The following DHX9 variants were observed in gnomAD, a reference collection of about 807,000 sequenced individuals.
The protein encoded by DHX9 is ATP-dependent RNA helicase A.
A neutral mutation model predicts 148.7 loss-of-function variants in DHX9; 27 were observed. That is an observed-to-expected ratio of 0.18 (90% CI 0.13 to 0.25). The LOEUF (loss-of-function observed/expected upper bound fraction) is 0.25. DHX9 is among the 10% of genes least tolerant of loss of function. The pLI is 1.00. For synonymous variants in DHX9, 529 were observed against 516.6 expected, an observed-to-expected ratio of 1.02 and a Z score of -0.33; for missense variants, 796 against 1,559.6, an observed-to-expected ratio of 0.51 and a Z score of 8.25.
chr1:182,848,796 A>G (rs948092096), intron 3 of DHX9, among the ~76,000 whole-genome samples: 1 of 152,224 alleles, frequency 6.6e-6, no homozygotes, highest in Non-Finnish European at 1.5e-5. Flanking sequence ...AAGAGGCCTC[A>G]GTAAACTTAG....
chr1:182,856,734 T>C (rs966411629), intron 7 of DHX9, among the ~76,000 whole-genome samples, 156 bp downstream of exon 7: 1 of 152,234 alleles, frequency 6.6e-6, no homozygotes, highest in Admixed American at 6.5e-5. Context: ...TTAGTAATTA[T>C]ATAAATTAGA....
intron 26 of DHX9, 54 bp downstream of exon 26, chr1:182,883,689 T>G: frequency 7.7e-7 from 1 of 1,301,054 alleles, no homozygotes; most frequent in Non-Finnish European, 1.1e-6. Flanking sequence ...TACAATATGA[T>G]GGAATTCAGC....
chr1:182,855,406 T>TGGG (rs1668236784), intron 6 of DHX9, among the ~76,000 whole-genome samples: 1 of 152,172 alleles, frequency 6.6e-6, no homozygotes. Flanking sequence ...CACAGACAGT[T>TGGG]GGGGGAGCCA....
chr1:182,872,555 C>A, intron 15 of DHX9, 62 bp downstream of exon 15: 4 of 1,498,830 alleles, frequency 2.7e-6, no homozygotes, highest in Non-Finnish European at 3.6e-6. Context: ...TTTTCTTAAT[C>A]CTGGAGATTG....
In DHX9 at chr1:182,858,647, A is replaced by G. The variant is rs764288588; in HGVS notation, c.900+7A>G. Reference sequence around the variant, plus strand: ...TCTTGAGATTTTGCCCCCGGTAAGCATAAAGCTGTTTAGTTCACATTTACG... The same window carrying G: ...TCTTGAGATTTTGCCCCCGGTAAGCGTAAAGCTGTTTAGTTCACATTTACG... On this transcript the variant is annotated splice_region_variant and intron_variant, in intron 9 of 27. Coordinates refer to ENST00000367549, the MANE Select transcript of DHX9 (RefSeq NM_001357.5). The G allele has an allele frequency of 6.2e-7, 1 of 1,609,878 alleles. No homozygotes were observed. Among genetic ancestry groups the G allele is most frequent in the Non-Finnish European group, 8.5e-7 (1 of 1,176,844 alleles).
At position 182,868,520 on chromosome 1, in the gene DHX9, C is replaced by T. The variant is rs1197991882; in HGVS notation, c.1557+1477C>T. 6.3e-4 allele frequency among the ~76,000 whole-genome samples: 80 copies of T among 127,504 alleles called. 2 individuals carry two copies. The highest frequency in any genetic ancestry group is 2.4e-3 in the African/African-American group (67 of 27,858). 83.6% of individuals were successfully genotyped at this position (127,504 alleles called of 152,430 possible). ...GATAATCTAACACTTATTTTAATTC[C>T]TTTTTTTTTTTTTTGAGGAGTCTTG... On this transcript the variant is annotated intron_variant, in intron 14 of 27. Transcript: ENST00000367549.
intron 1 of DHX9, among the ~76,000 whole-genome samples, chr1:182,841,052 G>T (rs1557961100): frequency 6.6e-6 from 1 of 152,174 alleles, no homozygotes; most frequent in African/African-American, 2.4e-5. Context: ...AGCACTTCGG[G>T]AGGTTGAGGC....
intron 14 of DHX9, among the ~76,000 whole-genome samples, chr1:182,867,930 T>C (rs1048642334): frequency 2.0e-5 from 3 of 152,342 alleles, no homozygotes; most frequent in Admixed American, 1.3e-4. Flanking sequence ...TTTCAGTGCA[T>C]GGGCAGCATG....
intron 12 of DHX9, among the ~76,000 whole-genome samples, chr1:182,863,930 T>G (rs958183586): frequency 7.2e-5 from 11 of 152,260 alleles, no homozygotes; most frequent in Middle Eastern, 6.8e-3. Context: ...TACAGCACTT[T>G]GAGAGTTCAA....
At chr1:182,875,977 T>C in intron 16 of DHX9, 73 bp from the exon 17 acceptor site, 2 of 1,153,498 alleles carry the variant, frequency 1.7e-6, no homozygotes, top group Non-Finnish European at 2.6e-6. Context: ...TTAGAGTCAC[T>C]AGAAGAAATC....
rs961160502 is a variant in DHX9, at chr1:182,884,721, G to A, written c.3369G>A (p.Gln1123=). 1.9e-6 allele frequency: 3 copies of A among 1,614,140 alleles called. No homozygotes were observed. In the South Asian group the frequency reaches 3.3e-5, roughly 18 times the overall value. Residue 1123 remains glutamine, a synonymous_variant, in exon 27 of 28, where the codon CAG becomes CAA. Transcript: ENST00000367549. ...EVTKQPAIIS[Q]LDPVNERMLN... is the part of the protein sequence containing the mutation. The stretch of plus-strand genomic sequence containing the variant: ...CCAAACAACCTGCTATCATCAGCCA[G>A]TTGGACCCCGTAAATGAACGTATGC...
chr1:182,843,450 G>A lies in DHX9; in HGVS notation c.252+16G>A, dbSNP rs369619011. 120 of 1,565,620 alleles carry A rather than the reference G, an allele frequency of 7.7e-5. No homozygotes were observed. The highest frequency in any genetic ancestry group is 9.7e-5 in the Non-Finnish European group (113 of 1,160,540). The stretch of plus-strand genomic sequence containing the variant: ...AGCTTTTGGGGTAAGTACCTATGGC[G>A]AAGCACTTGAGATGTATGTTGTAAA... On this transcript the variant is annotated intron_variant, in intron 3 of 27. Transcript: ENST00000367549.
In DHX9 at chr1:182,860,154, A is replaced by G. The variant is rs1216648303; in HGVS notation, c.1302A>G (p.Arg434=). ...TAGATGACTTTATCCAGAATGACCG[A>G]GCAGCAGAGTGTAACATCGTAGTAA... ...FILDDFIQND[R]AAECNIVVTQ... is the part of the protein sequence containing the mutation. The change falls in exon 12 of 28, where the codon CGA becomes CGG. Residue 434 remains arginine (R), a synonymous_variant. Transcript: ENST00000367549. 1 of 1,611,764 alleles carries G rather than the reference A, an allele frequency of 6.2e-7. No individual in the cohort carries two copies. The highest frequency in any genetic ancestry group is 8.5e-7 in the Non-Finnish European group (1 of 1,179,042).
chr1:182,866,841 A>T, intron 13 of DHX9, 120 bp from the exon 14 acceptor site: 1 of 823,842 alleles, frequency 1.2e-6, no homozygotes, highest in Non-Finnish European at 1.9e-6. Context: ...AATAGTTTAA[A>T]TGTACATGTG....
chr1:182,856,570 T>G lies in DHX9; in HGVS notation c.665T>G (p.Leu222Arg). The G allele has an allele frequency of 6.2e-7, 1 of 1,614,028 alleles. No homozygotes were observed. Among genetic ancestry groups the G allele is most frequent in the Non-Finnish European group, 8.5e-7 (1 of 1,179,892 alleles). ...GAAATGACCATTTATATCAAGCAGC[T>G]GGGCAGAAGTAAGTGTTACTGTTTC... is the stretch of plus-strand genomic sequence containing the variant. The part of the protein sequence containing the change: ...IAEMTIYIKQ[L>R]GRRIFAREHG... Residue 222 changes from leucine (L) to arginine (R), a missense_variant, in exon 7 of 28, where the codon CTG (leucine) becomes CGG (arginine). Physicochemically the swap from Leu to Arg is moderately radical, Grantham distance 102 (BLOSUM62 -2). Coordinates refer to ENST00000367549, the MANE Select transcript of DHX9 (RefSeq NM_001357.5).
chr1:182,852,765 T>C (rs1668177494), intron 4 of DHX9, among the ~76,000 whole-genome samples: 1 of 152,226 alleles, frequency 6.6e-6, no homozygotes, highest in Non-Finnish European at 1.5e-5. Context: ...CTTACAACAT[T>C]GCTTATAGTC....
chr1:182,853,908 A>G, intron 5 of DHX9, 122 bp from the exon 6 acceptor site: 3 of 869,122 alleles, frequency 3.5e-6, no homozygotes, highest in Non-Finnish European at 5.3e-6. Flanking sequence ...CTAGGATTAT[A>G]AACTATCAAA....
At chr1:182,879,676 A>C (rs1649001020) in intron 21 of DHX9, among the ~76,000 whole-genome samples, 1 of 152,230 alleles carries the variant, frequency 6.6e-6, no homozygotes, top group Non-Finnish European at 1.5e-5. Context: ...ACTAAAGATC[A>C]GAACATAACT....
At chr1:182,842,753 T>C in intron 2 of DHX9, 76 bp downstream of exon 2, 1 of 1,196,326 alleles carries the variant, frequency 8.4e-7, no homozygotes, top group South Asian at 1.4e-5. Context: ...GTTTTCTGTT[T>C]GGAGATGTTA....
Sources: allele counts gnomAD v4.1 joint callset (sites outside exome capture counted in the v4.1 genomes callset), GRCh38; gene constraint gnomAD v4.1.1; transcripts MANE v1.5; gene names NCBI Gene and HGNC (gene_info 2026-07-23, HGNC 2026-07-21).